The following FOXN3 variants were observed in gnomAD, a reference collection of about 807,000 sequenced individuals.
The protein encoded by FOXN3 is forkhead box protein N3.
A neutral mutation model predicts 38.4 loss-of-function variants in FOXN3; 7 were observed. The ratio of observed to expected loss-of-function variants is 0.18; its 90% CI spans 0.10 to 0.34. The LOEUF is 0.34. FOXN3 is among the 10% of genes least tolerant of loss of function. FOXN3 has a pLI of 1.00. For synonymous variants in FOXN3, 230 were observed against 242.2 expected (o/e 0.95, Z 0.47); for missense variants, 456 against 613.4 (o/e 0.74, Z 2.71).
chr14:89,450,133 T>C (rs1001951702), intron 1 of FOXN3, among the ~76,000 whole-genome samples: 41 of 152,224 alleles, frequency 2.7e-4, no homozygotes, highest in African/African-American at 9.4e-4. Context: ...TGGACCAGTC[T>C]GGGCAGTGGA....
chr14:89,340,080 G>A (rs1235371168), intron 3 of FOXN3, among the ~76,000 whole-genome samples: 2 of 152,206 alleles, frequency 1.3e-5, no homozygotes, highest in East Asian at 3.9e-4. Flanking sequence ...CAAAGAGAAA[G>A]AGAGAGGAAA....
intron 2 of FOXN3, among the ~76,000 whole-genome samples, chr14:89,372,416 A>C (rs1890345386): frequency 6.6e-6 from 1 of 152,238 alleles, no homozygotes; most frequent in African/African-American, 2.4e-5. Flanking sequence ...AGTCAGTCTA[A>C]ACGCACATAA....
upstream of FOXN3, among the ~76,000 whole-genome samples, chr14:89,420,625 T>A (rs1475917439): frequency 2.0e-5 from 3 of 152,162 alleles, no homozygotes; most frequent in Admixed American, 6.5e-5. Context: ...AAATCTGACT[T>A]GATTGTAGTA....
At position 89,161,572 on chromosome 14, in the gene FOXN3, T is replaced by TGTGTGTGTGTGC. The variant is rs1217058512; in HGVS notation, c.*841_*842insGCACACACACAC. On this transcript the variant is annotated 3_prime_UTR_variant, in exon 6 of 6. Transcript: ENST00000557258. Reference sequence around the variant, plus strand: ...TCTCTCCTTCGTGTGTGTGTGTGTGTGTGTGTGTGTGTGTGTGTGTGTGTG... The same window carrying TGTGTGTGTGTGC: ...TCTCTCCTTCGTGTGTGTGTGTGTGTGTGTGTGTGTGCGTGTGTGTGTGTGTGTGTGTGTGTG... 33 of 144,128 alleles carry TGTGTGTGTGTGC rather than the reference T, an allele frequency of 2.3e-4. No individual in the cohort carries two copies. The highest frequency in any genetic ancestry group is 8.3e-4 in the African/African-American group (33 of 39,940). 8.9% of individuals were successfully genotyped at this position (144,128 alleles called of 1,614,324 possible). A position where few individuals can be genotyped will look rare whatever the true frequency, so the allele number is the denominator to read the frequency against.
At chr14:89,594,634 G>A (rs761453784) in intron 1 of FOXN3, among the ~76,000 whole-genome samples, 1 of 152,084 alleles carries the variant, frequency 6.6e-6, no homozygotes, top group Non-Finnish European at 1.5e-5. Context: ...AATTATAGAC[G>A]TTGTAAATAT....
chr14:89,444,256 T>C (rs2139700412), intron 1 of FOXN3, among the ~76,000 whole-genome samples: 1 of 151,912 alleles, frequency 6.6e-6, no homozygotes, highest in African/African-American at 2.4e-5. Flanking sequence ...AGGAAATAGC[T>C]GTCATACTGG....
intron 3 of FOXN3, among the ~76,000 whole-genome samples, chr14:89,331,111 G>T (rs1169021031): frequency 6.6e-6 from 1 of 152,142 alleles, no homozygotes; most frequent in African/African-American, 2.4e-5. Context: ...GTGGCATTTG[G>T]TGTATTCACA....
intron 4 of FOXN3, among the ~76,000 whole-genome samples, chr14:89,184,384 A>C (rs965601554): frequency 6.6e-6 from 1 of 152,236 alleles, no homozygotes; most frequent in Non-Finnish European, 1.5e-5. Context: ...CAATCAAGGA[A>C]GAAAAGCACC....
intron 4 of FOXN3, among the ~76,000 whole-genome samples, chr14:89,278,347 C>T (rs1886360972): frequency 6.6e-6 from 1 of 152,102 alleles, no homozygotes; most frequent in African/African-American, 2.4e-5. Flanking sequence ...TGATCTCCCA[C>T]AACACCTAGG....
chr14:89,239,085 C>G (rs1005526424), intron 4 of FOXN3, among the ~76,000 whole-genome samples: 2 of 152,170 alleles, frequency 1.3e-5, no homozygotes, highest in South Asian at 4.1e-4. Flanking sequence ...TAGTGTTAAA[C>G]AGTTAGATGT....
chr14:89,230,654 C>A (rs368538029), intron 4 of FOXN3: 11 of 246,394 alleles, frequency 4.5e-5, no homozygotes, highest in African/African-American at 2.2e-4. Context: ...ACGCAGAGTT[C>A]CACAAGGGCA....
At chr14:89,243,478 C>A (rs906356916) in intron 4 of FOXN3, among the ~76,000 whole-genome samples, 7 of 152,168 alleles carry the variant, frequency 4.6e-5, no homozygotes, top group African/African-American at 1.7e-4. Context: ...TGGATAGCAA[C>A]ATTTTTTAAC....
chr14:89,203,024 T>C (rs1251079429), intron 4 of FOXN3, among the ~76,000 whole-genome samples: 4 of 142,784 alleles, frequency 2.8e-5, no homozygotes, highest in African/African-American at 1.1e-4. Flanking sequence ...ACCATTTCCC[T>C]TTTTTAAACT....
At chr14:89,269,489 T>TG (rs1163678760) in intron 4 of FOXN3, among the ~76,000 whole-genome samples, 1 of 151,374 alleles carries the variant, frequency 6.6e-6, no homozygotes, top group East Asian at 1.9e-4. Context: ...TGTTTTGTTT[T>TG]TTTTTTTCCT....
At chr14:89,213,273 G>A (rs186762938) in intron 4 of FOXN3, among the ~76,000 whole-genome samples, 2 of 152,180 alleles carry the variant, frequency 1.3e-5, no homozygotes, top group African/African-American at 2.4e-5. Flanking sequence ...TGGAACCTTC[G>A]TAACTACATT....
intron 1 of FOXN3, among the ~76,000 whole-genome samples, chr14:89,463,090 A>ACC (rs1475891213): frequency 2.7e-5 from 4 of 149,288 alleles, no homozygotes; most frequent in Non-Finnish European, 5.9e-5. Flanking sequence ...GGAGATTGAG[A>ACC]AGATCTGGCT....
In FOXN3 at chr14:89,163,106, G is replaced by C; in HGVS notation, c.852-137C>G. 1.3e-6 allele frequency: 1 copy of C among 758,768 alleles called. No homozygotes were observed. Among genetic ancestry groups the C allele is most frequent in the East Asian group, 2.9e-5 (1 of 34,876 alleles). 47.0% of individuals were successfully genotyped at this position (758,768 alleles called of 1,614,324 possible). On this transcript the variant is annotated intron_variant, in intron 5 of 5. Transcript: ENST00000557258. This position sits in a 1 kb window ranked among gnomAD's most constrained non-coding sequence, Gnocchi z 4.3. ...TGTTCAATGGAGCCACTCGCAAACT[G>C]TGGGGGCAACAGGTGGATCTGCTTT... is the stretch of plus-strand genomic sequence containing the variant.
At chr14:89,435,150 G>A (rs1002071062) in intron 1 of FOXN3, among the ~76,000 whole-genome samples, 5 of 152,224 alleles carry the variant, frequency 3.3e-5, no homozygotes, top group Admixed American at 2.6e-4. Context: ...GGGAGGCTGC[G>A]GAGGGGAGGA....
rs568981174 is a variant in FOXN3 at position 89,218,852 on chromosome 14, T to G, written c.746-38046A>C. On this transcript the variant is annotated intron_variant, in intron 4 of 5. Transcript: ENST00000557258. ...ACAGTCACCATTATGACCCTACTTC[T>G]ATTGTACGTTTTGTGGCATTAGGAA... Among the ~76,000 whole-genome samples, 8 of 152,354 alleles carry G rather than the reference T, an allele frequency of 5.3e-5. No individual in the cohort carries two copies. The East Asian group carries it at 1.5e-3, about 29-fold the overall frequency.
Sources: gnomAD v4.1 joint callset for allele counts (sites outside exome capture counted in the v4.1 genomes callset) on GRCh38, gnomAD v4.1.1 for gene constraint, Gnocchi (gnomAD v3.1) non-coding constraint, MANE v1.5 for transcripts, NCBI Gene and HGNC (gene_info 2026-07-23, HGNC 2026-07-21) for gene names.